The following SEMA7A variants were observed in gnomAD, a reference collection of about 807,000 sequenced individuals.
The protein encoded by SEMA7A is semaphorin-7A.
SEMA7A carries 21 observed loss-of-function variants against 67.5 expected under a neutral mutation model. The ratio of observed to expected loss-of-function variants is 0.31; its 90% CI spans 0.22 to 0.45. SEMA7A has a LOEUF of 0.45. Ranked by LOEUF, SEMA7A falls within the 20% of genes least tolerant of loss-of-function variation. The probability of loss-of-function intolerance (pLI) is 1.00; values close to 1 mark genes in which losing one functional copy is unlikely to be tolerated. For synonymous variants in SEMA7A, 364 were observed against 368.5 expected, an observed-to-expected ratio of 0.99 and a Z score of 0.14; for missense variants, 774 against 908.6, an observed-to-expected ratio of 0.85 and a Z score of 1.90.
intron 1 of SEMA7A, among the ~76,000 whole-genome samples, chr15:74,426,098 C>T (rs889432143): frequency 1.3e-5 from 2 of 152,162 alleles, no homozygotes; most frequent in African/African-American, 4.8e-5. Context: ...CATGGTGAAA[C>T]CCCATCTCTA....
At chr15:74,422,354 A>G (rs1382834347) in intron 1 of SEMA7A, among the ~76,000 whole-genome samples, 1 of 152,036 alleles carries the variant, frequency 6.6e-6, no homozygotes, top group Non-Finnish European at 1.5e-5. Context: ...TTAGTGGCTA[A>G]GTGGTAGCTA....
Position 74,417,372 on chromosome 15 carries a change from G to A in SEMA7A, c.624C>T (p.Gly208=), listed in dbSNP as rs369347333. The A allele has an allele frequency of 3.8e-5, 61 of 1,613,966 alleles. No individual in the cohort carries two copies. Among genetic ancestry groups the A allele is most frequent in the Admixed American group, 2.7e-4 (16 of 60,016 alleles). Residue 208 remains glycine (G), a synonymous_variant, in exon 6 of 14, where the codon GGC becomes GGT. Coordinates refer to ENST00000261918, the MANE Select transcript of SEMA7A (RefSeq NM_003612.5). ...TATCACTGGTGTACAGCTCACTCTC[G>A]CCCCGGATGCGGCGGAACCGAGGGA... ...GKIPRFRRIR[G]ESELYTSDTV...
In SEMA7A at chr15:74,414,440, A is replaced by G. The variant is rs1474299708; in HGVS notation, c.1294+107T>C. The G allele has an allele frequency of 8.6e-7, 1 of 1,159,612 alleles. No homozygotes were observed. Among genetic ancestry groups the G allele is most frequent in the East Asian group, 2.4e-5 (1 of 42,506 alleles). 71.8% of individuals were successfully genotyped at this position (1,159,612 alleles called of 1,614,324 possible). A position where few individuals can be genotyped will look rare whatever the true frequency, so the allele number is the denominator to read the frequency against. On this transcript the variant is annotated intron_variant, in intron 10 of 13. Transcript: ENST00000261918. This position sits in a 1 kb window ranked among gnomAD's most constrained non-coding sequence, Gnocchi z 4.1. ...CCCTGACAACTCCAGTCACTCAATT[A>G]TTCCTTCCACATGTAAAGATCCAAC...
At chr15:74,432,750 CA>C (rs1567080984) in intron 1 of SEMA7A, among the ~76,000 whole-genome samples, 2 of 152,174 alleles carry the variant, frequency 1.3e-5, no homozygotes, top group Non-Finnish European at 2.9e-5. Flanking sequence ...ACCATCACGA[CA>C]GGGGGGCCGC....
At chr15:74,415,050 A>G (rs968434943) in intron 8 of SEMA7A, 104 bp from the exon 9 acceptor site, 1 of 868,562 alleles carries the variant, frequency 1.2e-6, no homozygotes, top group Admixed American at 2.0e-5. Context: ...GCCAACCACC[A>G]CTGAAAATGG....
Position 74,414,999 on chromosome 15 carries a change from C to T in SEMA7A, c.987-53G>A. ...GGGGGGCCCAGAACCCACCCATCCA[C>T]CTCCACTCACCCAGGCCAGCCTTGT... is the stretch of plus-strand genomic sequence containing the variant. On this transcript the variant is annotated intron_variant, in intron 8 of 13. Coordinates refer to ENST00000261918, the MANE Select transcript of SEMA7A (RefSeq NM_003612.5). This position sits in a 1 kb window ranked among gnomAD's most constrained non-coding sequence, Gnocchi z 4.1. 3 of 1,446,876 alleles carry T rather than the reference C, an allele frequency of 2.1e-6. No individual in the cohort carries two copies. The highest frequency in any genetic ancestry group is 2.9e-6 in the Non-Finnish European group (3 of 1,036,754). The allele number at this position is 1,446,876 out of a possible 1,614,324, so 89.6% of individuals were successfully genotyped here. A position where few individuals can be genotyped will look rare whatever the true frequency, so the allele number is the denominator to read the frequency against.
rs574612475 is a variant in SEMA7A at position 74,423,946 on chromosome 15, C to T, written c.179-4994G>A. The stretch of plus-strand genomic sequence containing the variant: ...AGGGTTAGGTTCTAGATTAGCTAGT[C>T]GCCTGGCAGGGGCAGAGCCTGTGTG... On this transcript the variant is annotated intron_variant, in intron 1 of 13. Coordinates refer to ENST00000261918, the MANE Select transcript of SEMA7A (RefSeq NM_003612.5). The surrounding 1 kb of genome is among the most constrained non-coding windows in gnomAD (Gnocchi z 4.1). Among the ~76,000 whole-genome samples the T allele has an allele frequency of 2.6e-5, 4 of 152,312 alleles. No individual in the cohort carries two copies. In the South Asian group the frequency reaches 6.2e-4, roughly 24 times the overall value.
At chr15:74,427,030 CCCT>C (rs966981672) in intron 1 of SEMA7A, among the ~76,000 whole-genome samples, 1 of 152,240 alleles carries the variant, frequency 6.6e-6, no homozygotes, top group Non-Finnish European at 1.5e-5. Flanking sequence ...GTTCTCCCCT[CCCT>C]GGATTGACCT....
chr15:74,417,271 C>A, intron 6 of SEMA7A, 64 bp downstream of exon 6: 1 of 1,281,954 alleles, frequency 7.8e-7, no homozygotes, highest in Non-Finnish European at 1.1e-6. Context: ...ATCAGGATCC[C>A]ATCTGCCACC....
intron 1 of SEMA7A, among the ~76,000 whole-genome samples, chr15:74,433,255 T>C (rs984139520): frequency 6.6e-6 from 1 of 151,398 alleles, no homozygotes; most frequent in African/African-American, 2.4e-5. Flanking sequence ...TTGTTCCCGC[T>C]GCCGAAGCGC....
chr15:74,424,836 C>T (rs2061030466), intron 1 of SEMA7A, among the ~76,000 whole-genome samples: 1 of 152,244 alleles, frequency 6.6e-6, no homozygotes, highest in African/African-American at 2.4e-5. Context: ...CAGCTGTTCT[C>T]CAGCCCAGCA....
chr15:74,422,701 T>C (rs2061010530), intron 1 of SEMA7A, among the ~76,000 whole-genome samples: 1 of 152,104 alleles, frequency 6.6e-6, no homozygotes, highest in Admixed American at 6.5e-5. Flanking sequence ...TCTGATCCCA[T>C]TGGAAAGAAT....
chr15:74,422,246 C>T (rs1415611875), intron 1 of SEMA7A, among the ~76,000 whole-genome samples: 2 of 151,972 alleles, frequency 1.3e-5, no homozygotes, highest in Admixed American at 1.3e-4. Flanking sequence ...CATCCTCTGG[C>T]GTCCCCCACC....
At chr15:74,418,736 C>T (rs1230691271) in intron 2 of SEMA7A, 65 bp downstream of exon 2, 5 of 1,566,896 alleles carry the variant, frequency 3.2e-6, no homozygotes, top group Admixed American at 1.8e-5. Context: ...TCCCTGAGGA[C>T]CCTTGGCAGG....
In SEMA7A at chr15:74,415,895, T is replaced by C; in HGVS notation, c.892A>G (p.Lys298Glu). The C allele has an allele frequency of 6.2e-7, 1 of 1,614,096 alleles. No homozygotes were observed. The change falls in exon 8 of 14, where the codon AAG becomes GAG. Residue 298 changes from lysine to glutamate, a missense_variant. Coordinates refer to ENST00000261918, the MANE Select transcript of SEMA7A (RefSeq NM_003612.5). ...ACGTCTTGCAGCCTGTTGAAGTTCT[T>C]GTTGGTGGCAGCATCACTGCATACC... ...MLVCSDAATN[K>E]NFNRLQDVFL...
chr15:74,422,099 T>C (rs2061005125), intron 1 of SEMA7A, among the ~76,000 whole-genome samples: 2 of 151,778 alleles, frequency 1.3e-5, no homozygotes, highest in African/African-American at 4.8e-5. Context: ...ATGAGAAGAA[T>C]CGGGAAGGTG....
intron 3 of SEMA7A, 139 bp downstream of exon 3, chr15:74,418,129 C>G: frequency 8.7e-7 from 1 of 1,146,628 alleles, no homozygotes; most frequent in Non-Finnish European, 1.3e-6. Context: ...CTGACGCCAT[C>G]CCCTAAGCAC....
intron 6 of SEMA7A, 122 bp from the exon 7 acceptor site, chr15:74,416,836 T>A (rs1293526955): frequency 8.9e-7 from 1 of 1,123,658 alleles, no homozygotes; most frequent in Non-Finnish European, 1.3e-6. Context: ...AGATCTGGAA[T>A]AGGACTCAGA....
rs1032433262 is a variant in SEMA7A at position 74,409,952 on chromosome 15, C to G, written c.*672G>C. ...CCCCTCCCTTTCCCACCCACCCCCC[C>G]GCATGTAGTTTTGGTATTTTCATAC... On this transcript the variant is annotated 3_prime_UTR_variant, in exon 14 of 14. Transcript: ENST00000261918. The G allele has an allele frequency of 2.5e-4, 37 of 147,368 alleles. No homozygotes were observed. The highest frequency in any genetic ancestry group is 8.4e-4 in the African/African-American group (34 of 40,446). 9.1% of individuals were successfully genotyped at this position (147,368 alleles called of 1,614,324 possible).
Sources: allele counts gnomAD v4.1 joint callset (sites outside exome capture counted in the v4.1 genomes callset), GRCh38; gene constraint gnomAD v4.1.1; non-coding constraint Gnocchi (gnomAD v3.1); transcripts MANE v1.5; gene names NCBI Gene and HGNC (gene_info 2026-07-23, HGNC 2026-07-21).